The following FBXO34 variants were observed in gnomAD, a reference collection of about 807,000 sequenced individuals.
The protein encoded by FBXO34 is F-box only protein 34.
A neutral mutation model predicts 24.5 loss-of-function variants in FBXO34; 12 were observed. The observed-to-expected ratio is 0.49, with a 90% CI of 0.31 to 0.79. The LOEUF (loss-of-function observed/expected upper bound fraction) is 0.79. Ranked by LOEUF, FBXO34 falls within the 30% of genes least tolerant of loss-of-function variation. The pLI is 0.04. For missense variants in FBXO34, 823 were observed against 857.7 expected (o/e 0.96, Z 0.51); for synonymous variants, 320 against 311.9 (o/e 1.03, Z -0.27).
the FBXO34 span, among the ~76,000 whole-genome samples, chr14:55,409,947 G>A: frequency 6.6e-6 from 1 of 152,218 alleles, no homozygotes; most frequent in African/African-American, 2.4e-5. Flanking sequence ...AGGTGATGGT[G>A]AAAGGGTAAG....
At chr14:55,369,527 C>A, downstream of FBXO34, 1 of 1,207,076 alleles carries the variant, frequency 8.3e-7, no homozygotes, top group Non-Finnish European at 1.1e-6. Context: ...TTGTTCCAGA[C>A]ACTATCTTAA....
the FBXO34 span, among the ~76,000 whole-genome samples, chr14:55,434,484 G>A: frequency 9.2e-5 from 14 of 152,252 alleles, no homozygotes; most frequent in African/African-American, 3.1e-4. Context: ...TAAGGGCCAA[G>A]CCAGAATTTC....
the FBXO34 span, among the ~76,000 whole-genome samples, chr14:55,422,809 C>T: frequency 1.4e-4 from 22 of 152,118 alleles, no homozygotes; most frequent in South Asian, 4.2e-4. Flanking sequence ...GCTGAGATCG[C>T]GCCGCCATAG....
chr14:55,403,553 T>C, the FBXO34 span, among the ~76,000 whole-genome samples: 1 of 152,166 alleles, frequency 6.6e-6, no homozygotes, highest in Non-Finnish European at 1.5e-5. Context: ...CTTTTTTTTT[T>C]CATGAAGTGA....
downstream of FBXO34, among the ~76,000 whole-genome samples, chr14:55,363,096 C>A (rs1370438998): frequency 6.7e-6 from 1 of 149,730 alleles, no homozygotes. Flanking sequence ...AATCTTGGCT[C>A]ACTGCAACCT....
chr14:55,299,528 G>T (rs1431573867), intron 1 of FBXO34, among the ~76,000 whole-genome samples: 1 of 152,002 alleles, frequency 6.6e-6, no homozygotes, highest in African/African-American at 2.4e-5. Flanking sequence ...TGTCATATTG[G>T]CCCTAATTAC....
At chr14:55,327,737 C>CTTG (rs972885816) in intron 1 of FBXO34, among the ~76,000 whole-genome samples, 2 of 151,926 alleles carry the variant, frequency 1.3e-5, no homozygotes, top group African/African-American at 4.8e-5. Context: ...CCCTCTTATC[C>CTTG]TTGGAGGATA....
chr14:55,379,487 A>G, the FBXO34 span, among the ~76,000 whole-genome samples: 148 of 152,258 alleles, frequency 9.7e-4, 4 homozygotes, highest in East Asian at 0.02. Context: ...GGAGGTTGCA[A>G]TGAGCTAAAA....
the FBXO34 span, among the ~76,000 whole-genome samples, chr14:55,379,406 G>C: frequency 2.0e-5 from 3 of 152,020 alleles, no homozygotes; most frequent in Admixed American, 2.0e-4. Context: ...GCCAGGTGTG[G>C]TAGCATGAAC....
intron 1 of FBXO34, among the ~76,000 whole-genome samples, chr14:55,324,174 A>T (rs531237107): frequency 6.6e-6 from 1 of 152,270 alleles, no homozygotes; most frequent in East Asian, 1.9e-4. Flanking sequence ...CTTCATACAA[A>T]TAGAATCATA....
chr14:55,441,503 T>C, the FBXO34 span, among the ~76,000 whole-genome samples: 1 of 152,132 alleles, frequency 6.6e-6, no homozygotes, highest in Non-Finnish European at 1.5e-5. Context: ...TGAGTCACCT[T>C]ACCTAGTCAG....
the FBXO34 span, chr14:55,396,111 ATTTAAAGTGTTT>A: frequency 1.6e-6 from 1 of 614,220 alleles, no homozygotes; most frequent in Non-Finnish European, 2.6e-6. Flanking sequence ...GGGACTTAGC[ATTTAAAGTGTTT>A]TCCAAATTCC....
chr14:55,347,365 A>G (rs75707379), intron 1 of FBXO34, among the ~76,000 whole-genome samples: 3,857 of 152,130 alleles, frequency 0.025, 120 homozygotes, highest in African/African-American at 0.067. Flanking sequence ...TCCCTGCATT[A>G]TATCCTCTCA....
chr14:55,286,523 T>C (rs933938830), intron 1 of FBXO34, among the ~76,000 whole-genome samples: 1 of 152,236 alleles, frequency 6.6e-6, no homozygotes, highest in Non-Finnish European at 1.5e-5. Flanking sequence ...CAGTCTTCTA[T>C]GTTTGAATGT....
intron 1 of FBXO34, chr14:55,339,370 A>C (rs1883906250): frequency 8.1e-6 from 1 of 123,130 alleles, no homozygotes; most frequent in South Asian, 2.7e-4. Context: ...CTGCTCCTTT[A>C]ATCACCTGCC....
At chr14:55,300,187 C>T (rs1402776079) in intron 1 of FBXO34, among the ~76,000 whole-genome samples, 4 of 152,124 alleles carry the variant, frequency 2.6e-5, no homozygotes, top group Non-Finnish European at 4.4e-5. Context: ...AAAGTCTCTA[C>T]CTTGCAGTTG....
At chr14:55,310,623 G>A (rs1190824012) in intron 1 of FBXO34, among the ~76,000 whole-genome samples, 1 of 152,174 alleles carries the variant, frequency 6.6e-6, no homozygotes, top group Non-Finnish European at 1.5e-5. Context: ...ATGCCTGCCT[G>A]CCTGCCTGCC....
chr14:55,435,859 T>C, the FBXO34 span: 1 of 1,567,230 alleles, frequency 6.4e-7, no homozygotes. Context: ...TTGGGTTATA[T>C]TCTGCATTTT....
chr14:55,350,436 C>G lies in FBXO34; in HGVS notation c.46C>G (p.Pro16Ala). Reference sequence around the variant, plus strand: ...GAAGCTCCAGAAGAAAGAGCACCCCCCGGAAGTCAGCAGGGAAACGCAGAG... The same window carrying G: ...GAAGCTCCAGAAGAAAGAGCACCCCGCGGAAGTCAGCAGGGAAACGCAGAG... ...YWKLQKKEHPPEVSRETQRTP... is the reference protein window; with the variant it reads ...YWKLQKKEHPAEVSRETQRTP... The change falls in exon 2 of 2, where the codon CCG (proline) becomes GCG (alanine). Residue 16 changes from proline (P) to alanine (A), a missense_variant. Physicochemically the swap from Pro to Ala is conservative, Grantham distance 27. This residue lies in a region of FBXO34 where 693 missense variants were observed against 659.1 expected (regional missense o/e 1.05). Coordinates refer to ENST00000313833, the MANE Select transcript of FBXO34 (RefSeq NM_017943.4). The G allele has an allele frequency of 6.2e-7, 1 of 1,607,106 alleles. No individual in the cohort carries two copies. The highest frequency in any genetic ancestry group is 1.3e-5 in the African/African-American group (1 of 74,538).
Sources: gnomAD v4.1 joint callset for allele counts (sites outside exome capture counted in the v4.1 genomes callset) on GRCh38, gnomAD v4.1.1 for gene constraint, gnomAD v4.1.1 regional missense constraint, MANE v1.5 for transcripts, NCBI Gene and HGNC (gene_info 2026-07-23, HGNC 2026-07-21) for gene names.